Variants in ZMYM1 observed in about 807,000 individuals in gnomAD.
The protein encoded by ZMYM1 is zinc finger MYM-type protein 1.
A neutral mutation model predicts 60.0 loss-of-function variants in ZMYM1; 39 were observed. That is an observed-to-expected ratio of 0.65 (90% confidence interval 0.50 to 0.85). The LOEUF is 0.85. Among genes scored for constraint, ZMYM1 ranks in the 40% least tolerant of loss-of-function variants. ZMYM1 has a pLI of 0.00. For synonymous variants in ZMYM1, 413 were observed against 454.0 expected, an observed-to-expected ratio of 0.91 and a Z score of 1.15; for missense variants, 1,171 against 1,309.5, an observed-to-expected ratio of 0.89 and a Z score of 1.63.
intron 1 of ZMYM1, among the ~76,000 whole-genome samples, chr1:35,083,411 C>T (rs534432158): frequency 1.8e-4 from 28 of 152,070 alleles, no homozygotes; most frequent in African/African-American, 4.8e-4. Flanking sequence ...CTCTACCTCC[C>T]GACATGTTCA....
intron 4 of ZMYM1, among the ~76,000 whole-genome samples, chr1:35,099,314 T>C (rs1643512677): frequency 6.6e-6 from 1 of 152,276 alleles, no homozygotes; most frequent in Non-Finnish European, 1.5e-5. Context: ...CTATGGGCCA[T>C]ATAGTACTCT....
Position 35,115,489 on chromosome 1 carries a change from C to T in ZMYM1, c.*230C>T. On this transcript the variant is annotated 3_prime_UTR_variant, in exon 10 of 10. Coordinates refer to ENST00000359858, the MANE Select transcript of ZMYM1 (RefSeq NM_024772.5). ...TGTATACTGTTCTTCAGCTTGTCTT[C>T]TCTGTGTAACATATTTTTGAGATTG... 1 of 293,046 alleles carries T rather than the reference C, an allele frequency of 3.4e-6. No homozygotes were observed. The highest frequency in any genetic ancestry group is 6.2e-6 in the Non-Finnish European group (1 of 161,096). The allele number at this position is 293,046 out of a possible 1,614,324, so 18.2% of individuals were successfully genotyped here.
chr1:35,117,579 C>T (rs891093310), downstream of ZMYM1, among the ~76,000 whole-genome samples: 2 of 151,962 alleles, frequency 1.3e-5, no homozygotes, highest in Admixed American at 1.3e-4. Context: ...ACCTTGGCCT[C>T]CCAAAGTGCT....
rs1177210142 is a variant in ZMYM1 at position 35,114,719 on chromosome 1, TA to T, written c.2893del (p.Ile965LeufsTer8). On this transcript the variant is annotated frameshift_variant, in exon 10 of 10. Transcript: ENST00000359858. LOFTEE classifies it low-confidence loss of function (END_TRUNC). ...FFPTSTEEQY[K>X]INIYYQGLDT... ...TTCCTACTTCAACAGAAGAACAATA[TA>T]AAATTAATATCTATTACCAAGGATT... 1.3e-6 allele frequency: 2 copies of T among 1,573,004 alleles called. No homozygotes were observed. Among genetic ancestry groups the T allele is most frequent in the Non-Finnish European group, 1.7e-6 (2 of 1,160,846 alleles).
intron 1 of ZMYM1, among the ~76,000 whole-genome samples, chr1:35,060,143 G>GTTATTATTATTATTA (rs144363831): frequency 6.9e-6 from 1 of 144,100 alleles, no homozygotes; most frequent in African/African-American, 2.6e-5. Context: ...ACTATTTGTT[G>GTTATTATTATTATTA]TTATTATTAT....
chr1:35,070,692 A>G (rs1642052548), intron 1 of ZMYM1, among the ~76,000 whole-genome samples: 1 of 152,172 alleles, frequency 6.6e-6, no homozygotes, highest in Admixed American at 6.5e-5. Flanking sequence ...CTGTTCTTAC[A>G]AGAAAAGCTA....
At chr1:35,075,949 C>A (rs1027487856), upstream of ZMYM1, among the ~76,000 whole-genome samples, 2 of 152,146 alleles carry the variant, frequency 1.3e-5, no homozygotes, top group Non-Finnish European at 2.9e-5. Flanking sequence ...TATTTCCCCT[C>A]ATACAACATA....
rs745813932 is a variant in ZMYM1 at position 35,104,810 on chromosome 1, A to G, written c.807+41A>G. 9.0e-6 allele frequency: 14 copies of G among 1,548,146 alleles called. No individual in the cohort carries two copies. In the Admixed American group the frequency reaches 1.9e-4, roughly 21 times the overall value. ...TATTGTTTCTTCTATTAACTGGCCTATGAATGGTTTCACTCTAGGAAAATG... is the reference window on the plus strand; with the variant it reads ...TATTGTTTCTTCTATTAACTGGCCTGTGAATGGTTTCACTCTAGGAAAATG... On this transcript the variant is annotated intron_variant, in intron 6 of 9. Transcript: ENST00000359858.
chr1:35,118,396 A>C (rs552816529), downstream of ZMYM1, among the ~76,000 whole-genome samples: 1 of 152,194 alleles, frequency 6.6e-6, no homozygotes, highest in East Asian at 1.9e-4. Context: ...ATCATTTTCT[A>C]GCTGTTTTTA....
At chr1:35,105,823 C>G (rs1289740855) in intron 6 of ZMYM1, among the ~76,000 whole-genome samples, 1 of 152,106 alleles carries the variant, frequency 6.6e-6, no homozygotes, top group Non-Finnish European at 1.5e-5. Context: ...CCAAGCTTGT[C>G]TTACAACTCC....
At position 35,086,801 on chromosome 1, in the gene ZMYM1, C is replaced by T. The variant is rs545135993; in HGVS notation, c.-74-7113C>T. Among the ~76,000 whole-genome samples, 23 of 151,904 alleles carry T rather than the reference C, an allele frequency of 1.5e-4. No homozygotes were observed. In the East Asian group the frequency reaches 3.9e-3, roughly 26 times the overall value. On this transcript the variant is annotated intron_variant, in intron 1 of 9. Transcript: ENST00000359858. ...GGGTTTAAGCAATTCTCTGCCTCAG[C>T]CTCCCGAGTAGCAGGGATTACAGGC...
chr1:35,106,113 C>T (rs533467285), intron 6 of ZMYM1, among the ~76,000 whole-genome samples: 8 of 152,190 alleles, frequency 5.3e-5, no homozygotes, highest in East Asian at 1.9e-4. Context: ...AAAAATATCA[C>T]ATGCTTTCTC....
intron 6 of ZMYM1, among the ~76,000 whole-genome samples, chr1:35,109,903 C>T (rs775681357): frequency 6.6e-6 from 1 of 152,116 alleles, no homozygotes; most frequent in Non-Finnish European, 1.5e-5. Context: ...CTCGCCACTA[C>T]ACCTAGCTAA....
downstream of ZMYM1, among the ~76,000 whole-genome samples, chr1:35,117,540 T>G (rs1644261769): frequency 6.6e-6 from 1 of 151,736 alleles, no homozygotes; most frequent in Admixed American, 6.6e-5. Context: ...CAGGCTGGTC[T>G]CGAACTCCTG....
At chr1:35,102,880 G>C (rs564847812) in intron 4 of ZMYM1, among the ~76,000 whole-genome samples, 2 of 152,238 alleles carry the variant, frequency 1.3e-5, no homozygotes, top group South Asian at 4.1e-4. Context: ...GGCCAAGACA[G>C]AATATTTTTT....
At chr1:35,109,493 G>A (rs1469860765) in intron 6 of ZMYM1, among the ~76,000 whole-genome samples, 1 of 152,112 alleles carries the variant, frequency 6.6e-6, no homozygotes, top group East Asian at 1.9e-4. Context: ...TCTATTGCTT[G>A]TATGCTGCTT....
At chr1:35,096,652 G>A (rs1643345376) in intron 3 of ZMYM1, among the ~76,000 whole-genome samples, 1 of 151,874 alleles carries the variant, frequency 6.6e-6, no homozygotes, top group African/African-American at 2.4e-5. Flanking sequence ...TCCTGCCTCA[G>A]CCTCCCAAGT....
Position 35,094,097 on chromosome 1 carries a change from C to A in ZMYM1, c.96+14C>A. The A allele has an allele frequency of 6.3e-7, 1 of 1,596,696 alleles. No individual in the cohort carries two copies. The highest frequency in any genetic ancestry group is 1.1e-5 in the South Asian group (1 of 88,062). ...GACAATGCTCAAGTAAATATTTTCCCTTATTTCCATTATTTCTAGAGCAGC... is the reference window on the plus strand; with the variant it reads ...GACAATGCTCAAGTAAATATTTTCCATTATTTCCATTATTTCTAGAGCAGC... On this transcript the variant is annotated intron_variant, in intron 2 of 9. Coordinates refer to ENST00000359858, the MANE Select transcript of ZMYM1 (RefSeq NM_024772.5).
chr1:35,110,544 C>G (rs2935955), intron 7 of ZMYM1, 97 bp downstream of exon 7: 3 of 1,053,648 alleles, frequency 2.8e-6, no homozygotes, highest in Non-Finnish European at 3.7e-6. Flanking sequence ...CAAATTAAAC[C>G]GACTTTTAAA....
Sources: allele counts gnomAD v4.1 joint callset (sites outside exome capture counted in the v4.1 genomes callset), GRCh38; gene constraint gnomAD v4.1.1; transcripts MANE v1.5; gene names NCBI Gene and HGNC (gene_info 2026-07-23, HGNC 2026-07-21).